Variants in CHD7 observed in about 807,000 individuals in gnomAD.
CHD7 encodes ATP-dependent chromatin remodeler CHD7.
A neutral mutation model predicts 307.3 loss-of-function variants in CHD7; 24 were observed. The ratio of observed to expected loss-of-function variants is 0.08; its 90% CI spans 0.06 to 0.11. The LOEUF is 0.11. CHD7 is among the 10% of genes least tolerant of loss of function. The pLI is 1.00. For synonymous variants in CHD7, 1,363 were observed against 1,349.9 expected (o/e 1.01, Z -0.21); for missense variants, 3,106 against 3,727.1 (o/e 0.83, Z 4.34).
chr8:60,743,899 C>T (rs1039766711), intron 2 of CHD7, among the ~76,000 whole-genome samples: 11 of 152,194 alleles, frequency 7.2e-5, no homozygotes, highest in Non-Finnish European at 1.6e-4. Flanking sequence ...TACTGATTAT[C>T]TACCAGAATT....
At chr8:60,858,249 C>CT (rs1243296779) in intron 34 of CHD7, among the ~76,000 whole-genome samples, 3 of 151,156 alleles carry the variant, frequency 2.0e-5, no homozygotes, top group Non-Finnish European at 4.4e-5. Flanking sequence ...GAGTGAGACT[C>CT]TGTCTCAAAA....
rs1805568210 is a variant in CHD7, at chr8:60,853,442, G to A, written c.6717G>A (p.Glu2239=). ...CTATTTCAGAGAAAGGTTCCGAAGAGGATGAAGAGGAAAAGCTGGAGGATG... is the reference window on the plus strand; with the variant it reads ...CTATTTCAGAGAAAGGTTCCGAAGAAGATGAAGAGGAAAAGCTGGAGGATG... ...SKSISEKGSE[E]DEEEKLEDDD... is the part of the protein sequence containing the mutation. Residue 2239 remains glutamate, a synonymous_variant, in exon 31 of 38, where the codon GAG becomes GAA. Transcript: ENST00000423902. The A allele has an allele frequency of 4.6e-6, 7 of 1,519,528 alleles. No individual in the cohort carries two copies. Among genetic ancestry groups the A allele is most frequent in the Non-Finnish European group, 6.2e-6 (7 of 1,137,198 alleles). The allele number at this position is 1,519,528 out of a possible 1,614,324, so 94.1% of individuals were successfully genotyped here. A position where few individuals can be genotyped will look rare whatever the true frequency, so the allele number is the denominator to read the frequency against.
intron 3 of CHD7, among the ~76,000 whole-genome samples, chr8:60,786,787 AAATG>A (rs1458567936): frequency 6.6e-6 from 1 of 152,236 alleles, no homozygotes; most frequent in Admixed American, 6.5e-5. Flanking sequence ...ATATTTGTGA[AAATG>A]AAGTGCTGTT....
intron 15 of CHD7, among the ~76,000 whole-genome samples, chr8:60,834,149 C>A (rs1435953224): frequency 6.6e-6 from 1 of 152,008 alleles, no homozygotes; most frequent in African/African-American, 2.4e-5. Flanking sequence ...AATTAAAATT[C>A]TCTGCAAATT....
intron 23 of CHD7, among the ~76,000 whole-genome samples, chr8:60,846,490 G>A (rs150587542): frequency 1.3e-4 from 20 of 152,040 alleles, no homozygotes; most frequent in East Asian, 1.9e-4. Flanking sequence ...GCATTTTTCC[G>A]TATCACTAGT....
At chr8:60,855,869 G>A (rs1301890336) in intron 32 of CHD7, 106 bp from the exon 33 acceptor site, 3 of 717,770 alleles carry the variant, frequency 4.2e-6, no homozygotes, top group African/African-American at 1.8e-5. Context: ...TCCTCCAGTT[G>A]ACTTTTAAAC....
Position 60,780,982 on chromosome 8 carries a change from C to A in CHD7, c.1666-18C>A. On this transcript the variant is annotated intron_variant, in intron 2 of 37. Coordinates refer to ENST00000423902, the MANE Select transcript of CHD7 (RefSeq NM_017780.4). ...GAAGAATGATAAACTAATTTCAATT[C>A]CTATTTGTGTCTCTCAGCATTCCCC... 6.6e-7 allele frequency: 1 copy of A among 1,509,658 alleles called. No homozygotes were observed. The highest frequency in any genetic ancestry group is 1.4e-5 in the South Asian group (1 of 70,746). 93.5% of individuals were successfully genotyped at this position (1,509,658 alleles called of 1,614,324 possible).
rs1233844516 is a variant in CHD7 at position 60,855,516 on chromosome 8, G to A, written c.6937-459G>A. On this transcript the variant is annotated intron_variant, in intron 32 of 37. Transcript: ENST00000423902. ...AATGCTGAACTTTATTAATAGTGAC[G>A]CTAATGATGTCCTACTTCCTGGGAC... Among the ~76,000 whole-genome samples the A allele has an allele frequency of 3.3e-5, 5 of 152,282 alleles. No homozygotes were observed. In the East Asian group the frequency reaches 7.7e-4, roughly 23 times the overall value.
chr8:60,828,583 G>A, intron 13 of CHD7, 80 bp from the exon 14 acceptor site: 1 of 1,314,970 alleles, frequency 7.6e-7, no homozygotes, highest in Non-Finnish European at 1.0e-6. Context: ...GTAGAACAAT[G>A]GGTGTCTAGT....
intron 2 of CHD7, 87 bp downstream of exon 2, chr8:60,743,184 T>C (rs542841728): frequency 1.8e-4 from 215 of 1,172,662 alleles, no homozygotes; most frequent in Non-Finnish European, 2.5e-4. Context: ...TTAAACTCTA[T>C]GAAAAGCTTT....
intron 1 of CHD7, among the ~76,000 whole-genome samples, chr8:60,717,803 TAAAC>T (rs1807685206): frequency 6.6e-6 from 1 of 152,214 alleles, no homozygotes; most frequent in African/African-American, 2.4e-5. Flanking sequence ...GATGGTGGTA[TAAAC>T]AAACCTACTG....
chr8:60,859,520 G>A (rs779158217), intron 34 of CHD7, among the ~76,000 whole-genome samples: 3 of 152,190 alleles, frequency 2.0e-5, no homozygotes, highest in Non-Finnish European at 4.4e-5. Flanking sequence ...TGTGTGCCAC[G>A]ACCAAGGGAT....
chr8:60,853,039 C>T lies in CHD7; in HGVS notation c.6314C>T (p.Ala2105Val), dbSNP rs756812977. Reference protein sequence around the residue: ...RHDRDLLVGAAKHGVSRTDYH... With the variant: ...RHDRDLLVGAVKHGVSRTDYH... ...GACCGAGACTTGCTGGTTGGTGCTGCTAAACACGGGGTCAGTCGGACGGAT... is the reference window on the plus strand; with the variant it reads ...GACCGAGACTTGCTGGTTGGTGCTGTTAAACACGGGGTCAGTCGGACGGAT... Residue 2105 changes from alanine to valine, a missense_variant, in exon 31 of 38, where the codon GCT becomes GTT. Around this residue, in one of 10 missense-constraint regions of CHD7, gnomAD observed 1,030 missense variants for 1,165.4 expected, o/e 0.88. Coordinates refer to ENST00000423902, the MANE Select transcript of CHD7 (RefSeq NM_017780.4). 1.2e-6 allele frequency: 2 copies of T among 1,613,972 alleles called. No individual in the cohort carries two copies. Among genetic ancestry groups the T allele is most frequent in the Admixed American group, 3.3e-5 (2 of 60,012 alleles).
chr8:60,831,347 G>T (rs573054678), intron 15 of CHD7, among the ~76,000 whole-genome samples: 1 of 151,974 alleles, frequency 6.6e-6, no homozygotes, highest in African/African-American at 2.4e-5. Context: ...GATTTTGCGA[G>T]GCAGAGTTAG....
At chr8:60,718,448 A>G (rs1015070515) in intron 1 of CHD7, among the ~76,000 whole-genome samples, 1 of 152,032 alleles carries the variant, frequency 6.6e-6, no homozygotes, top group African/African-American at 2.4e-5. Flanking sequence ...GCACTCCAGC[A>G]TGGGAGACAG....
chr8:60,753,590 A>G (rs1005173102), intron 2 of CHD7, among the ~76,000 whole-genome samples: 1 of 152,042 alleles, frequency 6.6e-6, no homozygotes, highest in African/African-American at 2.4e-5. Context: ...AATGAGCCCA[A>G]TAATAAGATC....
intron 7 of CHD7, among the ~76,000 whole-genome samples, chr8:60,814,596 C>A (rs1394635946): frequency 2.6e-5 from 4 of 152,172 alleles, no homozygotes; most frequent in African/African-American, 9.7e-5. Context: ...CAGGCACATG[C>A]CACCACGGCC....
At chr8:60,850,006 A>G (rs1474793267) in intron 25 of CHD7, among the ~76,000 whole-genome samples, 2 of 152,208 alleles carry the variant, frequency 1.3e-5, no homozygotes, top group East Asian at 1.9e-4. Context: ...TCTTACTGAC[A>G]TGCATCATCC....
At chr8:60,691,996 G>C (rs1482084965) in intron 1 of CHD7, among the ~76,000 whole-genome samples, 1 of 152,126 alleles carries the variant, frequency 6.6e-6, no homozygotes, top group Admixed American at 6.5e-5. Context: ...GGGTCATCTA[G>C]AATCTGAATT....
Sources: allele counts gnomAD v4.1 joint callset (sites outside exome capture counted in the v4.1 genomes callset), GRCh38; gene constraint gnomAD v4.1.1; regional missense constraint gnomAD v4.1.1; transcripts MANE v1.5; gene names NCBI Gene and HGNC (gene_info 2026-07-23, HGNC 2026-07-21).